Variants in RBFOX1 observed in about 807,000 individuals in gnomAD.
RBFOX1 encodes RNA binding protein fox-1 homolog 1.
RBFOX1 carries 8 observed loss-of-function variants against 57.7 expected under a neutral mutation model. The observed-to-expected ratio is 0.14, with a 90% CI of 0.08 to 0.25. The LOEUF (loss-of-function observed/expected upper bound fraction) is 0.25, where lower values mean the gene tolerates loss of function less well. Ranked by LOEUF, RBFOX1 falls within the 10% of genes least tolerant of loss-of-function variation. The probability of loss-of-function intolerance (pLI) is 1.00; values close to 1 mark genes in which losing one functional copy is unlikely to be tolerated. For missense variants in RBFOX1, 611 were observed against 548.5 expected, an observed-to-expected ratio of 1.11 and a Z score of -1.14; for synonymous variants, 326 against 222.4, an observed-to-expected ratio of 1.47 and a Z score of -4.15.
chr16:6,728,255 T>A (rs374771846), intron 3 of RBFOX1, among the ~76,000 whole-genome samples: 3 of 152,370 alleles, frequency 2.0e-5, no homozygotes, highest in East Asian at 3.9e-4. Flanking sequence ...GTGGTATTTA[T>A]GCCTTTAAGC....
At chr16:5,477,643 T>A (rs2069377345) in intron 2 of RBFOX1, among the ~76,000 whole-genome samples, 1 of 152,204 alleles carries the variant, frequency 6.6e-6, no homozygotes, top group South Asian at 2.1e-4. Flanking sequence ...ATCTTACTGC[T>A]TACCCTCATT....
intron 4 of RBFOX1, among the ~76,000 whole-genome samples, chr16:7,052,981 A>G (rs559617740): frequency 3.9e-5 from 6 of 152,328 alleles, no homozygotes; most frequent in South Asian, 2.1e-4. Flanking sequence ...TAAAACCACA[A>G]CAGTGGGATT....
chr16:5,961,590 GCTCACTGCAGC>G (rs1195307398), intron 4 of RBFOX1, among the ~76,000 whole-genome samples: 4 of 152,068 alleles, frequency 2.6e-5, no homozygotes, highest in Non-Finnish European at 5.9e-5. Context: ...TGCAATCATG[GCTCACTGCAGC>G]CTCAACCTCC....
At chr16:6,165,262 G>C (rs186046256) in intron 1 of RBFOX1, among the ~76,000 whole-genome samples, 1 of 152,102 alleles carries the variant, frequency 6.6e-6, no homozygotes, top group African/African-American at 2.4e-5. Flanking sequence ...CTTAATAAAT[G>C]ACAGCTCATT....
chr16:7,317,976 G>T (rs1008266250), intron 4 of RBFOX1, among the ~76,000 whole-genome samples: 7 of 152,244 alleles, frequency 4.6e-5, no homozygotes, highest in Non-Finnish European at 1.0e-4. Context: ...TGGTGATGGT[G>T]GTGGTGATAG....
At chr16:6,855,845 C>CTTTCCCTCCCTG (rs66747176) in intron 3 of RBFOX1, among the ~76,000 whole-genome samples, 51,173 of 114,384 alleles carry the variant, frequency 0.45, 10,125 homozygotes, top group East Asian at 0.57. Context: ...TTCCCTCCCT[C>CTTTCCCTCCCTG]TTTCCCTCCC....
At chr16:6,878,759 C>T (rs1348669103) in intron 3 of RBFOX1, among the ~76,000 whole-genome samples, 1 of 152,114 alleles carries the variant, frequency 6.6e-6, no homozygotes, top group Non-Finnish European at 1.5e-5. Flanking sequence ...AGTTTAAGGA[C>T]CCTGACAATC....
rs1374403354 is a variant in RBFOX1, at chr16:6,259,820, G to A, written c.-126-57175G>A. 2.0e-5 allele frequency among the ~76,000 whole-genome samples: 3 copies of A among 152,058 alleles called. No individual in the cohort carries two copies. In the East Asian group the frequency reaches 5.8e-4, roughly 30 times the overall value. Reference sequence around the variant, plus strand: ...TAAAAATACAAAAAAAAGTAGCCAGGCCTGGTGGTGCACACCTGTAGTCCC... The same window carrying A: ...TAAAAATACAAAAAAAAGTAGCCAGACCTGGTGGTGCACACCTGTAGTCCC... On this transcript the variant is annotated intron_variant, in intron 1 of 15. Transcript: ENST00000550418.
At chr16:7,567,469 ATATCCCTATGTATGGCCCTATATG>A (rs1419115508) in intron 5 of RBFOX1, among the ~76,000 whole-genome samples, 10,254 of 72,060 alleles carry the variant, frequency 0.14, 1,610 homozygotes, top group Non-Finnish European at 0.18. Context: ...CCCTATATAT[ATATCCCTATGTATGGCCCTATATG>A]TATATCCCTA....
At chr16:6,606,673 C>T (rs1359539042) in intron 2 of RBFOX1, among the ~76,000 whole-genome samples, 1 of 151,972 alleles carries the variant, frequency 6.6e-6, no homozygotes, top group Admixed American at 6.6e-5. Context: ...ATCCATGTCC[C>T]TGCAAAAAAC....
In RBFOX1 at chr16:6,706,750, C is replaced by T. The variant is rs559188084; in HGVS notation, c.-16+52100C>T. ...TTTAATAGAGTGTGTGGCAGAGTTC[C>T]AATCTTACAAGACATACGGCCAGAG... On this transcript the variant is annotated intron_variant, in intron 3 of 15. Coordinates refer to ENST00000550418, the MANE Select transcript of RBFOX1 (RefSeq NM_018723.4). 1.1e-4 allele frequency among the ~76,000 whole-genome samples: 17 copies of T among 148,108 alleles called. No individual in the cohort carries two copies. In the South Asian group the frequency reaches 3.4e-3, roughly 30 times the overall value.
intron 14 of RBFOX1, among the ~76,000 whole-genome samples, chr16:7,692,449 A>G (rs2077554194): frequency 6.6e-6 from 1 of 152,190 alleles, no homozygotes; most frequent in Non-Finnish European, 1.5e-5. Flanking sequence ...CATACTAAGA[A>G]GAAAAATGCA....
chr16:7,463,446 G>C (rs116967801), intron 4 of RBFOX1, among the ~76,000 whole-genome samples: 1 of 152,222 alleles, frequency 6.6e-6, no homozygotes, highest in African/African-American at 2.4e-5. Flanking sequence ...AGGGGTTGCA[G>C]TGAGCCAAGA....
chr16:7,549,997 A>G (rs962706777), intron 5 of RBFOX1, among the ~76,000 whole-genome samples: 1 of 152,066 alleles, frequency 6.6e-6, no homozygotes, highest in Non-Finnish European at 1.5e-5. Context: ...TGGTGTGATC[A>G]TAGCTCACTG....
In RBFOX1 at chr16:6,863,939, C is replaced by T. The variant is rs187412823; in HGVS notation, c.-15-188118C>T. Among the ~76,000 whole-genome samples, 356 of 150,936 alleles carry T rather than the reference C, an allele frequency of 2.4e-3. 4 individuals are homozygous for T. The highest frequency in any genetic ancestry group is 8.3e-3 in the African/African-American group (340 of 41,196). On this transcript the variant is annotated intron_variant, in intron 3 of 15. Coordinates refer to ENST00000550418, the MANE Select transcript of RBFOX1 (RefSeq NM_018723.4). Reference sequence around the variant, plus strand: ...TTTCCTTCACACTTTGTGCTCCCTCCTTCTTCCTTCTCTTGCAAAATCCTC... The same window carrying T: ...TTTCCTTCACACTTTGTGCTCCCTCTTTCTTCCTTCTCTTGCAAAATCCTC...
At chr16:7,636,003 G>A (rs965103098) in intron 11 of RBFOX1, among the ~76,000 whole-genome samples, 4 of 152,104 alleles carry the variant, frequency 2.6e-5, no homozygotes, top group African/African-American at 9.7e-5. Flanking sequence ...AGTAGAGACG[G>A]AGTTTCACGT....
At chr16:7,241,781 T>C (rs1229207551) in intron 4 of RBFOX1, among the ~76,000 whole-genome samples, 1 of 151,930 alleles carries the variant, frequency 6.6e-6, no homozygotes, top group African/African-American at 2.4e-5. Context: ...CTTTTTCTCT[T>C]TCAATCTGTC....
chr16:6,436,468 T>C (rs1196996318), intron 2 of RBFOX1, among the ~76,000 whole-genome samples: 3 of 151,768 alleles, frequency 2.0e-5, no homozygotes, highest in African/African-American at 7.2e-5. Flanking sequence ...TTGTAAAACA[T>C]GCTGTGAACA....
At chr16:7,704,881 T>G (rs1345554721) in intron 14 of RBFOX1, among the ~76,000 whole-genome samples, 1 of 151,902 alleles carries the variant, frequency 6.6e-6, no homozygotes, top group Admixed American at 6.6e-5. Flanking sequence ...TGAAATGTTG[T>G]CTACAAAATG....
Sources: allele counts gnomAD v4.1 joint callset (sites outside exome capture counted in the v4.1 genomes callset), GRCh38; gene constraint gnomAD v4.1.1; transcripts MANE v1.5; gene names NCBI Gene and HGNC (gene_info 2026-07-23, HGNC 2026-07-21).